Variants in TENT4B observed in about 807,000 individuals in gnomAD.
TENT4B encodes the protein PAP associated domain containing 5.
A neutral mutation model predicts 75.0 loss-of-function variants in TENT4B; 10 were observed. That is an observed-to-expected ratio of 0.13 (90% CI 0.08 to 0.23). The LOEUF (loss-of-function observed/expected upper bound fraction) is 0.23, where lower values mean the gene tolerates loss of function less well. TENT4B is among the 10% of genes least tolerant of loss of function. The pLI is 1.00. For missense variants in TENT4B, 579 were observed against 893.8 expected (o/e 0.65, Z 4.49); for synonymous variants, 350 against 357.7 (o/e 0.98, Z 0.24).
At chr16:50,166,410 T>C (rs553749767) in intron 1 of TENT4B, among the ~76,000 whole-genome samples, 2 of 152,338 alleles carry the variant, frequency 1.3e-5, no homozygotes, top group South Asian at 4.1e-4. Context: ...ATCTGTCTTC[T>C]TTATTATAGC....
At position 50,229,277 on chromosome 16, in the gene TENT4B, C is replaced by T. The variant is rs1374456517; in HGVS notation, c.2091C>T (p.Gly697=). The change falls in exon 12 of 12, where the codon GGC becomes GGT. Residue 697 remains glycine (G), a synonymous_variant. Transcript: ENST00000561678. ...QGKSNNQYYH[G]KKRKHKRDAP... ...AATCCAATAATCAGTATTACCATGG[C>T]AAAAAGAGGAAACACAAGAGGGACG... The T allele has an allele frequency of 1.2e-6, 2 of 1,613,260 alleles. No individual in the cohort carries two copies. Among genetic ancestry groups the T allele is most frequent in the African/African-American group, 1.3e-5 (1 of 74,834 alleles).
At chr16:50,162,828 A>G (rs1196638098) in intron 1 of TENT4B, among the ~76,000 whole-genome samples, 1 of 152,170 alleles carries the variant, frequency 6.6e-6, no homozygotes, top group Non-Finnish European at 1.5e-5. Flanking sequence ...TGTGGGGTTT[A>G]TTTCAAAATT....
chr16:50,227,472 AC>A (rs1376269138), intron 10 of TENT4B, among the ~76,000 whole-genome samples: 4 of 151,830 alleles, frequency 2.6e-5, no homozygotes, highest in Admixed American at 6.5e-5. Context: ...CAGAGATTGA[AC>A]CCCTTAAACC....
intron 1 of TENT4B, among the ~76,000 whole-genome samples, chr16:50,180,284 A>T (rs1190828781): frequency 6.6e-6 from 1 of 152,042 alleles, no homozygotes; most frequent in Admixed American, 6.5e-5. Flanking sequence ...TTGTATTTTT[A>T]TTAGAGACGG....
At chr16:50,224,218 G>C (rs1183209738) in intron 7 of TENT4B, among the ~76,000 whole-genome samples, 7 of 152,148 alleles carry the variant, frequency 4.6e-5, no homozygotes, top group Non-Finnish European at 8.8e-5. Flanking sequence ...CTGTTCAAAA[G>C]TATTGGGCCA....
At chr16:50,153,292 C>T (rs1349676058), upstream of TENT4B, among the ~76,000 whole-genome samples, 1 of 146,150 alleles carries the variant, frequency 6.8e-6, no homozygotes, top group African/African-American at 2.5e-5. Context: ...CCGCTGCCGC[C>T]GCCGCCGCTC....
intron 1 of TENT4B, among the ~76,000 whole-genome samples, chr16:50,173,681 A>G (rs1340794532): frequency 6.6e-6 from 1 of 151,886 alleles, no homozygotes; most frequent in Non-Finnish European, 1.5e-5. Context: ...TCATCTGCTT[A>G]TTTGTTGTTG....
chr16:50,211,586 C>A, intron 2 of TENT4B, 140 bp downstream of exon 2: 1 of 996,340 alleles, frequency 1.0e-6, no homozygotes, highest in Non-Finnish European at 1.3e-6. Context: ...ATTTTAAAGG[C>A]AAACAATTTT....
intron 1 of TENT4B, among the ~76,000 whole-genome samples, chr16:50,184,544 A>G (rs1414731705): frequency 6.6e-6 from 1 of 152,088 alleles, no homozygotes; most frequent in African/African-American, 2.4e-5. Flanking sequence ...GCGGGCGCCT[A>G]TAGTCCCAGC....
intron 1 of TENT4B, among the ~76,000 whole-genome samples, chr16:50,200,407 A>G (rs566972346): frequency 1.3e-5 from 2 of 152,108 alleles, no homozygotes; most frequent in South Asian, 2.1e-4. Context: ...GTCAGAGGGT[A>G]AGGAAGCAAA....
At position 50,233,834 on chromosome 16, in the gene TENT4B, C is replaced by T. The variant is rs2150758214; in HGVS notation, c.*4506C>T. The T allele has an allele frequency of 2.0e-6, 2 of 985,396 alleles. No individual in the cohort carries two copies. The highest frequency in any genetic ancestry group is 2.4e-6 in the Non-Finnish European group (2 of 829,922). The allele number at this position is 985,396 out of a possible 1,614,324, so 61.0% of individuals were successfully genotyped here. A position where few individuals can be genotyped will look rare whatever the true frequency, so the allele number is the denominator to read the frequency against. ...TAGTGCATTCCCTTTGGTTATTACA[C>T]ATTTGTGGTAGCTCCTGGATTTACT... is the stretch of plus-strand genomic sequence containing the variant. On this transcript the variant is annotated 3_prime_UTR_variant, in exon 12 of 12. Coordinates refer to ENST00000561678, the MANE Select transcript of TENT4B (RefSeq NM_001365324.3).
At chr16:50,200,966 TAA>T (rs1356369897) in intron 1 of TENT4B, among the ~76,000 whole-genome samples, 5 of 151,976 alleles carry the variant, frequency 3.3e-5, no homozygotes, top group African/African-American at 1.2e-4. Context: ...CCTGCTAATT[TAA>T]AAGAGTTTTT....
intron 1 of TENT4B, among the ~76,000 whole-genome samples, chr16:50,207,649 A>C (rs1379094142): frequency 6.6e-6 from 1 of 152,208 alleles, no homozygotes; most frequent in Non-Finnish European, 1.5e-5. Context: ...AACAATGGGC[A>C]TGTGTCATCC....
chr16:50,229,958 T>C lies in TENT4B; in HGVS notation c.*630T>C, dbSNP rs2032224523. On this transcript the variant is annotated 3_prime_UTR_variant, in exon 12 of 12. Coordinates refer to ENST00000561678, the MANE Select transcript of TENT4B (RefSeq NM_001365324.3). ...GGATTAGTTTGAAAAATAATCTAAATTGTCATCTTAACATCCATATATAGG... is the reference window on the plus strand; with the variant it reads ...GGATTAGTTTGAAAAATAATCTAAACTGTCATCTTAACATCCATATATAGG... 32 of 946,192 alleles carry C rather than the reference T, an allele frequency of 3.4e-5. No homozygotes were observed. The South Asian group carries it at 1.2e-3, about 35-fold the overall frequency. 58.6% of individuals were successfully genotyped at this position (946,192 alleles called of 1,614,324 possible). A position where few individuals can be genotyped will look rare whatever the true frequency, so the allele number is the denominator to read the frequency against.
At chr16:50,228,736 T>C (rs2032166711) in intron 11 of TENT4B, among the ~76,000 whole-genome samples, 1 of 152,190 alleles carries the variant, frequency 6.6e-6, no homozygotes, top group Admixed American at 6.5e-5. Flanking sequence ...CAGAAGGGAC[T>C]GAGGTCACGA....
At chr16:50,158,325 G>C (rs1234039546) in intron 1 of TENT4B, among the ~76,000 whole-genome samples, 1 of 151,926 alleles carries the variant, frequency 6.6e-6, no homozygotes, top group Non-Finnish European at 1.5e-5. Context: ...GACCTCAAGT[G>C]ATCTGCCCAC....
upstream of TENT4B, chr16:50,153,003 C>T: frequency 6.6e-7 from 1 of 1,517,048 alleles, no homozygotes; most frequent in Middle Eastern, 1.7e-4. Context: ...GGAGAAGCCG[C>T]GCGCGCCTCA....
intron 1 of TENT4B, among the ~76,000 whole-genome samples, chr16:50,190,128 T>C (rs549097327): frequency 2.6e-5 from 4 of 151,870 alleles, no homozygotes; most frequent in Admixed American, 2.6e-4. Flanking sequence ...AATGTATTTT[T>C]GGTATTTGTT....
chr16:50,225,217 C>T lies in TENT4B; in HGVS notation c.1732C>T (p.His578Tyr). The T allele has an allele frequency of 6.2e-7, 1 of 1,613,994 alleles. No homozygotes were observed. Among genetic ancestry groups the T allele is most frequent in the Non-Finnish European group, 8.5e-7 (1 of 1,179,888 alleles). Residue 578 changes from histidine to tyrosine, a missense_variant, in exon 10 of 12, where the codon CAC (histidine) becomes TAC (tyrosine). His to Tyr is a moderately conservative substitution (Grantham distance 83). Coordinates refer to ENST00000561678, the MANE Select transcript of TENT4B (RefSeq NM_001365324.3). ...RSKTSESLSKHSSNSSSGPVS... is the reference protein window; with the variant it reads ...RSKTSESLSKYSSNSSSGPVS... ...TAAAACCTCGGAATCTCTTAGTAAA[C>T]ACTCTTCAAACTCTTCATCAGGTCC...
Sources: gnomAD v4.1 joint callset for allele counts (sites outside exome capture counted in the v4.1 genomes callset) on GRCh38, gnomAD v4.1.1 for gene constraint, MANE v1.5 for transcripts, NCBI Gene and HGNC (gene_info 2026-07-23, HGNC 2026-07-21) for gene names.